The following LRRC8E variants were observed in gnomAD, a reference collection of about 807,000 sequenced individuals.
LRRC8E encodes volume-regulated anion channel subunit LRRC8E.
Under a neutral mutation model 6.1 loss-of-function variants are expected in LRRC8E, and 6 were observed. That is an observed-to-expected ratio of 0.98 (90% confidence interval 0.54 to 1.93). The LOEUF is 1.93. LRRC8E is among the 30% of genes most tolerant of loss of function. The pLI, the probability that LRRC8E is intolerant of heterozygous loss-of-function variation, is 0.01. For synonymous variants in LRRC8E, 485 were observed against 472.8 expected, an observed-to-expected ratio of 1.03 and a Z score of -0.33; for missense variants, 1,028 against 1,031.4, an observed-to-expected ratio of 1.00 and a Z score of 0.04.
In LRRC8E at chr19:7,900,635, G is replaced by T; in HGVS notation, c.2113G>T (p.Ala705Ser). 1 of 1,613,234 alleles carries T rather than the reference G, an allele frequency of 6.2e-7. No individual in the cohort carries two copies. Among genetic ancestry groups the T allele is most frequent in the South Asian group, 1.1e-5 (1 of 91,082 alleles). Residue 705 changes from alanine to serine, a missense_variant, in exon 3 of 3, where the codon GCC becomes TCC. Coordinates refer to ENST00000306708, the MANE Select transcript of LRRC8E (RefSeq NM_025061.6). This position sits in a 1 kb window ranked among gnomAD's most constrained non-coding sequence, Gnocchi z 5.0. ...CCTCCTGCAGAACCTACAGCACCTG[G>T]CCCTCTCCTACAATGCCCTGGAGGC... ...VGLLQNLQHLALSYNALEALP... is the reference protein window; with the variant it reads ...VGLLQNLQHLSLSYNALEALP...
In LRRC8E at chr19:7,901,021, G is replaced by GA; in HGVS notation, c.*108_*109insA. ...CCAAGTGGGTCCAGGCCAGGAGATG[G>GA]GGGGGGCGGGGGCAGCTGTGTCATC... is the stretch of plus-strand genomic sequence containing the variant. On this transcript the variant is annotated 3_prime_UTR_variant, in exon 3 of 3. Coordinates refer to ENST00000306708, the MANE Select transcript of LRRC8E (RefSeq NM_025061.6). 3.2e-6 allele frequency: 2 copies of GA among 626,086 alleles called. No individual in the cohort carries two copies. The highest frequency in any genetic ancestry group is 4.5e-6 in the Non-Finnish European group (2 of 439,780). 38.8% of individuals were successfully genotyped at this position (626,086 alleles called of 1,614,324 possible).
At chr19:7,889,405 G>A (rs1421115706) in intron 1 of LRRC8E, among the ~76,000 whole-genome samples, 2 of 150,108 alleles carry the variant, frequency 1.3e-5, no homozygotes, top group Non-Finnish European at 2.9e-5. Context: ...TTGGGCCACT[G>A]CACTCCAGCC....
chr19:7,891,827 CT>C (rs1981331213), intron 1 of LRRC8E, among the ~76,000 whole-genome samples: 1 of 152,066 alleles, frequency 6.6e-6, no homozygotes, highest in Non-Finnish European at 1.5e-5. Flanking sequence ...CCAGGCTGGT[CT>C]GGAACTCCTG....
At position 7,899,707 on chromosome 19, in the gene LRRC8E, G is replaced by C; in HGVS notation, c.1185G>C (p.Gln395His). The C allele has an allele frequency of 6.2e-7, 1 of 1,613,444 alleles. No individual in the cohort carries two copies. The highest frequency in any genetic ancestry group is 1.1e-5 in the South Asian group (1 of 91,090). Residue 395 changes from glutamine to histidine, a missense_variant, in exon 3 of 3, where the codon CAG becomes CAC. By Grantham distance (24) the Gln-to-His change is conservative (BLOSUM62 0). Coordinates refer to ENST00000306708, the MANE Select transcript of LRRC8E (RefSeq NM_025061.6). ...AGGTCAGCGAAAGCCGTCTAAAGCA[G>C]CTCAATCTCAACCACGAGTGGACGC... is the stretch of plus-strand genomic sequence containing the variant. ...LSEVSESRLKQLNLNHEWTPE... is the reference protein window; with the variant it reads ...LSEVSESRLKHLNLNHEWTPE...
intron 2 of LRRC8E, among the ~76,000 whole-genome samples, chr19:7,896,033 G>C (rs1008881601): frequency 3.3e-5 from 5 of 152,032 alleles, no homozygotes; most frequent in Non-Finnish European, 5.9e-5. Context: ...TGCCTCCCGG[G>C]TACAAGCGGT....
chr19:7,896,785 G>T (rs1057483171), intron 2 of LRRC8E, among the ~76,000 whole-genome samples: 3 of 151,832 alleles, frequency 2.0e-5, no homozygotes, highest in Non-Finnish European at 4.4e-5. Context: ...GTTGACACAG[G>T]GGTCTTGCTA....
Position 7,899,545 on chromosome 19 carries a change from G to A in LRRC8E, c.1023G>A (p.Glu341=). The change falls in exon 3 of 3, where the codon GAG becomes GAA. Residue 341 remains glutamate (E), a synonymous_variant. Transcript: ENST00000306708. ...LYWLFHRPLK[E]YSFRSVREET... The stretch of plus-strand genomic sequence containing the variant: ...GGCTCTTCCACCGGCCCCTCAAGGA[G>A]TACTCCTTCCGTTCCGTGCGGGAGG... 1.2e-6 allele frequency: 2 copies of A among 1,613,960 alleles called. No homozygotes were observed. Among genetic ancestry groups the A allele is most frequent in the South Asian group, 1.1e-5 (1 of 91,086 alleles).
intron 2 of LRRC8E, among the ~76,000 whole-genome samples, chr19:7,897,562 TG>T (rs1185819869): frequency 7.3e-5 from 11 of 150,080 alleles, no homozygotes; most frequent in Non-Finnish European, 1.5e-4. Context: ...ACTGTAACCT[TG>T]TACTCCTGGC....
chr19:7,895,306 G>A lies in LRRC8E; in HGVS notation c.-5-293G>A, dbSNP rs886287856. On this transcript the variant is annotated intron_variant, in intron 1 of 2. Coordinates refer to ENST00000306708, the MANE Select transcript of LRRC8E (RefSeq NM_025061.6). This position sits in a 1 kb window ranked among gnomAD's most constrained non-coding sequence, Gnocchi z 4.7. ...CCACCCGAGGAGGCTGGAGGGCGGC[G>A]GCCCTGTGGACTATCCCTCATGTGC... is the stretch of plus-strand genomic sequence containing the variant. The A allele has an allele frequency of 2.6e-5, 8 of 312,098 alleles. No individual in the cohort carries two copies. Among genetic ancestry groups the A allele is most frequent in the African/African-American group, 4.2e-5 (2 of 48,172 alleles). The allele number at this position is 312,098 out of a possible 1,614,324, so 19.3% of individuals were successfully genotyped here. A position where few individuals can be genotyped will look rare whatever the true frequency, so the allele number is the denominator to read the frequency against.
rs139734410 is a variant in LRRC8E, at chr19:7,899,974, C to T, written c.1452C>T (p.Asp484=). The T allele has an allele frequency of 6.2e-7, 1 of 1,609,550 alleles. No individual in the cohort carries two copies. The highest frequency in any genetic ancestry group is 8.5e-7 in the Non-Finnish European group (1 of 1,179,794). ...LPFSLQVFLR[D]HLKVMRVKCE... ...TCTCCTTGCAGGTCTTCCTGCGGGA[C>T]CACCTGAAGGTGATGCGCGTCAAAT... The change falls in exon 3 of 3, where the codon GAC becomes GAT. Residue 484 remains aspartate, a synonymous_variant. Transcript: ENST00000306708.
rs1568264210 is a variant in LRRC8E at position 7,895,781 on chromosome 19, CG to C, written c.138+44del. ...TGGCAAGGGGGTGTGACCAGAGGGG[CG>C]GGGCAGGTGTCTGGGGAAGTCGGGA... On this transcript the variant is annotated intron_variant, in intron 2 of 2. Coordinates refer to ENST00000306708, the MANE Select transcript of LRRC8E (RefSeq NM_025061.6). This position sits in a 1 kb window ranked among gnomAD's most constrained non-coding sequence, Gnocchi z 4.7. The C allele has an allele frequency of 6.3e-7, 1 of 1,599,676 alleles. No individual in the cohort carries two copies. Among genetic ancestry groups the C allele is most frequent in the Admixed American group, 1.7e-5 (1 of 59,712 alleles).
Position 7,898,641 on chromosome 19 carries a change from C to T in LRRC8E, c.139-20C>T, listed in dbSNP as rs1025304177. 8.2e-6 allele frequency: 13 copies of T among 1,577,570 alleles called. No homozygotes were observed. The highest frequency in any genetic ancestry group is 1.1e-5 in the Non-Finnish European group (13 of 1,159,086). On this transcript the variant is annotated intron_variant, in intron 2 of 2. Coordinates refer to ENST00000306708, the MANE Select transcript of LRRC8E (RefSeq NM_025061.6). ...CCCAAAGTGCTAGGATTACAGCCCT[C>T]ATTCTCTTTTGCTCCTCAGGTGACA...
At position 7,900,275 on chromosome 19, in the gene LRRC8E, C is replaced by T. The variant is rs201776706; in HGVS notation, c.1753C>T (p.Arg585Trp). 6.8e-5 allele frequency: 110 copies of T among 1,613,252 alleles called. No homozygotes were observed. Among genetic ancestry groups the T allele is most frequent in the Non-Finnish European group, 8.6e-5 (102 of 1,180,036 alleles). ...CAGCCTCAAGAAGCTGGCGGCATTG[C>T]GGGAGCTGGAGCTGGTGGCCTGCGG... is the stretch of plus-strand genomic sequence containing the variant. Reference protein sequence around the residue: ...LNSLKKLAALRELELVACGLE... With the variant: ...LNSLKKLAALWELELVACGLE... The change falls in exon 3 of 3, where the codon CGG becomes TGG. Residue 585 changes from arginine to tryptophan, a missense_variant. Physicochemically the swap from Arg to Trp is moderately radical, Grantham distance 101. Transcript: ENST00000306708. The surrounding 1 kb of genome is among the most constrained non-coding windows in gnomAD (Gnocchi z 5.0).
In LRRC8E at chr19:7,891,547, T is replaced by TTGTG. The variant is rs914111723; in HGVS notation, c.-6+2963_-6+2966dup. The stretch of plus-strand genomic sequence containing the variant: ...CGGGTGTGTGTGTGTGTGTGTGTGT[T>TTGTG]TGTGTGTGTGTGTGTGTGTTGTGTG... On this transcript the variant is annotated intron_variant, in intron 1 of 2. Transcript: ENST00000306708. Among the ~76,000 whole-genome samples the TTGTG allele has an allele frequency of 2.3e-3, 210 of 91,684 alleles. 3 individuals are homozygous for TTGTG. In the East Asian group the frequency reaches 0.065, roughly 29 times the overall value. 60.1% of individuals were successfully genotyped at this position (91,684 alleles called of 152,430 possible).
chr19:7,900,651 C>T lies in LRRC8E; in HGVS notation c.2129C>T (p.Ala710Val). The T allele has an allele frequency of 6.2e-7, 1 of 1,613,428 alleles. No individual in the cohort carries two copies. The highest frequency in any genetic ancestry group is 8.5e-7 in the Non-Finnish European group (1 of 1,180,038). ...CAGCACCTGGCCCTCTCCTACAATG[C>T]CCTGGAGGCCCTGCCCGAAGAGCTC... ...NLQHLALSYN[A>V]LEALPEELFF... Residue 710 changes from alanine to valine, a missense_variant, in exon 3 of 3, where the codon GCC (alanine) becomes GTC (valine). Ala to Val is a moderately conservative substitution (Grantham distance 64). Coordinates refer to ENST00000306708, the MANE Select transcript of LRRC8E (RefSeq NM_025061.6). This position sits in a 1 kb window ranked among gnomAD's most constrained non-coding sequence, Gnocchi z 5.0.
chr19:7,892,775 A>G (rs527700595), intron 1 of LRRC8E, among the ~76,000 whole-genome samples: 1 of 152,160 alleles, frequency 6.6e-6, no homozygotes, highest in Non-Finnish European at 1.5e-5. Flanking sequence ...ACCAGATTAC[A>G]TACTGGTGAC....
Position 7,901,502 on chromosome 19 carries a change from G to T in LRRC8E, c.*589G>T, listed in dbSNP as rs551274526. 6.6e-6 allele frequency: 1 copy of T among 152,352 alleles called. No individual in the cohort carries two copies. The highest frequency in any genetic ancestry group is 1.9e-4 in the East Asian group (1 of 5,186). The allele number at this position is 152,352 out of a possible 1,614,324, so 9.4% of individuals were successfully genotyped here. A position where few individuals can be genotyped will look rare whatever the true frequency, so the allele number is the denominator to read the frequency against. On this transcript the variant is annotated 3_prime_UTR_variant, in exon 3 of 3. Transcript: ENST00000306708. ...ACTGACTCAGGAGGTTTGGTTGGGG[G>T]CCAGGAGTCTGTTCCTAAATATTCC...
At chr19:7,892,163 C>T (rs965535624) in intron 1 of LRRC8E, among the ~76,000 whole-genome samples, 14 of 152,040 alleles carry the variant, frequency 9.2e-5, no homozygotes, top group Non-Finnish European at 1.5e-4. Flanking sequence ...GGCTCTGCCT[C>T]CCAGGTTCAC....
chr19:7,889,734 C>T (rs1038131463), intron 1 of LRRC8E, among the ~76,000 whole-genome samples: 2 of 146,428 alleles, frequency 1.4e-5, no homozygotes, highest in Non-Finnish European at 3.0e-5. Flanking sequence ...CAGAGCAAGA[C>T]TCTATCTCTC....
Sources: gnomAD v4.1 joint callset for allele counts (sites outside exome capture counted in the v4.1 genomes callset) on GRCh38, gnomAD v4.1.1 for gene constraint, Gnocchi (gnomAD v3.1) non-coding constraint, MANE v1.5 for transcripts, NCBI Gene and HGNC (gene_info 2026-07-23, HGNC 2026-07-21) for gene names.